The following RBFOX3 variants were observed in gnomAD, a reference collection of about 807,000 sequenced individuals.
RBFOX3 encodes the protein RNA binding fox-1 homolog 3.
Under a neutral mutation model 48.7 loss-of-function variants are expected in RBFOX3, and 17 were observed. The ratio of observed to expected loss-of-function variants is 0.35; its 90% CI spans 0.24 to 0.52. RBFOX3 has a LOEUF of 0.52. Among genes scored for constraint, RBFOX3 ranks in the 20% least tolerant of loss-of-function variants. The pLI is 0.94. For missense variants in RBFOX3, 382 were observed against 497.5 expected (o/e 0.77, Z 2.21); for synonymous variants, 212 against 209.5 (o/e 1.01, Z -0.10).
intron 2 of RBFOX3, among the ~76,000 whole-genome samples, chr17:79,332,665 TGGAGACAGAGAGACAAAGAGAGAC>T (rs1568058468): frequency 1.7e-5 from 2 of 119,400 alleles, no homozygotes; most frequent in Non-Finnish European, 3.5e-5. Flanking sequence ...CAAAGAGAGA[TGGAGACAGAGAGACAAAGAGAGAC>T]GGAGACAGAG....
chr17:79,365,966 G>A (rs757920093), intron 2 of RBFOX3, among the ~76,000 whole-genome samples: 77 of 152,220 alleles, frequency 5.1e-4, no homozygotes, highest in Non-Finnish European at 1.1e-3. Context: ...TCATGACCAC[G>A]CCACGGATGT....
chr17:79,552,586 A>G, intron 1 of RBFOX3, among the ~76,000 whole-genome samples: 1 of 152,286 alleles, frequency 6.6e-6, no homozygotes, highest in Middle Eastern at 3.4e-3. Context: ...GGCCTGGTGT[A>G]TGGAAAGCGC....
chr17:79,238,741 T>G (rs2061948148), intron 3 of RBFOX3, among the ~76,000 whole-genome samples: 1 of 148,912 alleles, frequency 6.7e-6, no homozygotes, highest in African/African-American at 2.6e-5. Flanking sequence ...ACGAGTGTCT[T>G]TATTTAGTCA....
chr17:79,618,425 AATCC>A, the RBFOX3 span, among the ~76,000 whole-genome samples: 1 of 152,096 alleles, frequency 6.6e-6, no homozygotes, highest in Non-Finnish European at 1.5e-5. Context: ...AAATAGGAAA[AATCC>A]ATCCAAGCCG....
At chr17:79,287,330 G>T (rs139638986) in intron 3 of RBFOX3, among the ~76,000 whole-genome samples, 331 of 152,258 alleles carry the variant, frequency 2.2e-3, no homozygotes, top group African/African-American at 7.7e-3. Flanking sequence ...CACCCACAGG[G>T]GGCCCTGGGT....
intron 2 of RBFOX3, among the ~76,000 whole-genome samples, chr17:79,350,646 T>C (rs751432082): frequency 3.2e-4 from 48 of 152,164 alleles, no homozygotes; most frequent in East Asian, 1.9e-4. Context: ...CCTCTGTCCC[T>C]GAGAAAGCAA....
At chr17:79,647,865 A>G in the RBFOX3 span, among the ~76,000 whole-genome samples, 1 of 152,030 alleles carries the variant, frequency 6.6e-6, no homozygotes, top group African/African-American at 2.4e-5. Flanking sequence ...TGTGGTGGAC[A>G]CAGAGCCCAC....
chr17:79,202,123 G>C (rs1166801864), intron 4 of RBFOX3, among the ~76,000 whole-genome samples: 1 of 152,168 alleles, frequency 6.6e-6, no homozygotes, highest in Non-Finnish European at 1.5e-5. Flanking sequence ...CCCGGCATGG[G>C]GGGTAGAGTA....
chr17:79,262,903 T>C (rs1448020190), intron 3 of RBFOX3, among the ~76,000 whole-genome samples: 2 of 152,282 alleles, frequency 1.3e-5, no homozygotes, highest in South Asian at 4.1e-4. Flanking sequence ...GGTTGCCTTC[T>C]CCTTGTTTCA....
chr17:79,111,148 A>G lies in RBFOX3; in HGVS notation c.222+4346T>C, dbSNP rs971921024. 4.6e-5 allele frequency among the ~76,000 whole-genome samples: 7 copies of G among 152,234 alleles called. No individual in the cohort carries two copies. The highest frequency in any genetic ancestry group is 1.7e-4 in the African/African-American group (7 of 41,464). The stretch of plus-strand genomic sequence containing the variant: ...CGGACAGCAGAAAGGACAGAGGTTC[A>G]TCCTGGGGCTGCAGGTCACTGGGCA... On this transcript the variant is annotated intron_variant, in intron 5 of 14. Coordinates refer to ENST00000693108, the MANE Select transcript of RBFOX3 (RefSeq NM_001350451.2). The surrounding 1 kb of genome is among the most constrained non-coding windows in gnomAD (Gnocchi z 4.2).
intron 5 of RBFOX3, among the ~76,000 whole-genome samples, chr17:79,107,995 G>A (rs74686730): frequency 0.15 from 22,334 of 152,286 alleles, 1,733 homozygotes; most frequent in East Asian, 0.26. Context: ...CTGACAATGT[G>A]CCTTTTATTG....
chr17:79,203,872 G>A (rs903156418), intron 4 of RBFOX3, among the ~76,000 whole-genome samples: 3 of 152,080 alleles, frequency 2.0e-5, no homozygotes, highest in African/African-American at 7.2e-5. Context: ...AGTCACCAAG[G>A]AGCCTGAACC....
the RBFOX3 span, among the ~76,000 whole-genome samples, chr17:79,626,277 C>T: frequency 0.06 from 9,084 of 152,198 alleles, 320 homozygotes; most frequent in Middle Eastern, 0.16. Context: ...GCACCTCCCA[C>T]CCCATCCCAT....
intron 3 of RBFOX3, among the ~76,000 whole-genome samples, chr17:79,272,512 G>A (rs1244319347): frequency 1.3e-5 from 2 of 152,184 alleles, no homozygotes; most frequent in Non-Finnish European, 2.9e-5. Context: ...CCGGCCTGGG[G>A]AGCCACATGG....
intron 1 of RBFOX3, among the ~76,000 whole-genome samples, chr17:79,540,172 G>A (rs537068893): frequency 1.1e-4 from 16 of 152,250 alleles, no homozygotes; most frequent in African/African-American, 3.4e-4. Flanking sequence ...CTGACCATTC[G>A]TCACCCTCCA....
chr17:79,131,183 G>A (rs908138364), intron 4 of RBFOX3, among the ~76,000 whole-genome samples: 1 of 151,764 alleles, frequency 6.6e-6, no homozygotes, highest in East Asian at 1.9e-4. Context: ...TGCGTGTGCT[G>A]TATGCTGTGT....
In RBFOX3 at chr17:79,284,454, G is replaced by A. The variant is rs1017014847; in HGVS notation, c.-74+23270C>T. Among the ~76,000 whole-genome samples, 63 of 151,960 alleles carry A rather than the reference G, an allele frequency of 4.1e-4. 1 individual carries two copies. Among genetic ancestry groups the A allele is most frequent in the African/African-American group, 1.4e-3 (59 of 41,328 alleles). On this transcript the variant is annotated intron_variant, in intron 3 of 14. Coordinates refer to ENST00000693108, the MANE Select transcript of RBFOX3 (RefSeq NM_001350451.2). ...TCATAAAAAATAGGGAGGAGAGTGCGTGGTGATTGAGACAGGCCCTCATGG... is the reference window on the plus strand; with the variant it reads ...TCATAAAAAATAGGGAGGAGAGTGCATGGTGATTGAGACAGGCCCTCATGG...
At chr17:79,600,927 C>G (rs2093690594) in intron 1 of RBFOX3, 1 of 152,362 alleles carries the variant, frequency 6.6e-6, no homozygotes, top group Admixed American at 6.5e-5. Flanking sequence ...TCCGCTGGCT[C>G]TGAAGGTGAA....
intron 2 of RBFOX3, among the ~76,000 whole-genome samples, chr17:79,378,241 T>G (rs1036685504): frequency 2.0e-5 from 3 of 151,884 alleles, no homozygotes; most frequent in Non-Finnish European, 4.4e-5. Flanking sequence ...CACAAAGAAC[T>G]GAGCCTCTCC....
Sources: allele counts gnomAD v4.1 joint callset (sites outside exome capture counted in the v4.1 genomes callset), GRCh38; gene constraint gnomAD v4.1.1; non-coding constraint Gnocchi (gnomAD v3.1); transcripts MANE v1.5; gene names NCBI Gene and HGNC (gene_info 2026-07-23, HGNC 2026-07-21).